Variants in GUSB observed in about 807,000 individuals in gnomAD.
GUSB encodes the protein glucuronidase beta.
A neutral mutation model predicts 74.6 loss-of-function variants in GUSB; 51 were observed. The ratio of observed to expected loss-of-function variants is 0.68; its 90% CI spans 0.55 to 0.86. GUSB has a LOEUF of 0.86. Ranked by LOEUF, GUSB falls within the 40% of genes least tolerant of loss-of-function variation. The probability of loss-of-function intolerance (pLI) is 0.00; values close to 1 mark genes in which losing one functional copy is unlikely to be tolerated. For synonymous variants in GUSB, 360 were observed against 348.3 expected (o/e 1.03, Z -0.37); for missense variants, 736 against 853.7 (o/e 0.86, Z 1.72).
At chr7:65,975,776 G>C (rs1791524693) in intron 5 of GUSB, 1 of 433,234 alleles carries the variant, frequency 2.3e-6, no homozygotes, top group South Asian at 3.3e-5. Flanking sequence ...GCTGCAGGCT[G>C]AGAGTTCAAG....
intron 11 of GUSB, among the ~76,000 whole-genome samples, chr7:65,962,035 T>C (rs1007631823): frequency 2.0e-5 from 3 of 151,874 alleles, no homozygotes; most frequent in African/African-American, 7.3e-5. Flanking sequence ...GTTTATCTTT[T>C]ATTTGCAAAC....
In GUSB at chr7:65,973,131, C is replaced by T. The variant is rs112760752; in HGVS notation, c.1391+1164G>A. On this transcript the variant is annotated intron_variant, in intron 8 of 11. Transcript: ENST00000304895. ...GGATCACTAGAGGCCAGGAGTTCCA[C>T]GCCAGCCTGGCAAACATGGTGAAAC... is the stretch of plus-strand genomic sequence containing the variant. 2.6e-3 allele frequency among the ~76,000 whole-genome samples: 403 copies of T among 152,196 alleles called. 3 individuals are homozygous for T. The highest frequency in any genetic ancestry group is 9.1e-3 in the African/African-American group (376 of 41,528).
At chr7:65,975,142 G>A (rs1040319309) in intron 5 of GUSB, 71 bp from the exon 6 acceptor site, 29 of 1,435,406 alleles carry the variant, frequency 2.0e-5, no homozygotes, top group African/African-American at 2.8e-5. Context: ...CCTCCAGCAG[G>A]AAGGCCCCTC....
At chr7:65,968,133 C>T (rs2115878465) in intron 9 of GUSB, among the ~76,000 whole-genome samples, 1 of 151,018 alleles carries the variant, frequency 6.6e-6, no homozygotes, top group East Asian at 2.0e-4. Flanking sequence ...TGGCTCATGC[C>T]TGTAATCCCA....
chr7:65,965,168 G>C (rs73372623), intron 10 of GUSB, among the ~76,000 whole-genome samples: 2,848 of 152,128 alleles, frequency 0.019, 61 homozygotes, highest in East Asian at 0.09. Flanking sequence ...CACTTTTGGA[G>C]GTCGAGACAG....
chr7:65,963,916 G>A (rs144081458), intron 11 of GUSB, among the ~76,000 whole-genome samples: 6 of 152,242 alleles, frequency 3.9e-5, no homozygotes, highest in African/African-American at 1.2e-4. Context: ...CCTGCTTTTC[G>A]CAAGTAATAT....
intron 8 of GUSB, among the ~76,000 whole-genome samples, chr7:65,972,942 T>C (rs879546603): frequency 1.3e-5 from 2 of 152,216 alleles, no homozygotes; most frequent in African/African-American, 4.8e-5. Context: ...TGGGGTGTGC[T>C]GTATGAGTCA....
chr7:65,976,029 G>T lies in GUSB; in HGVS notation c.898C>A (p.Leu300Met). ...PYLMHERPAY[L>M]YSLEVQLTAQ... ...ACCACCATTACCTCCAATGAATACA[G>T]ATAGGCAGGGCGTTCGTGCATCAGG... Residue 300 changes from leucine to methionine, a missense_variant, in exon 5 of 12, where the codon CTG becomes ATG. Physicochemically the swap from Leu to Met is conservative, Grantham distance 15. This residue lies in a region of GUSB where 368 missense variants were observed against 489.9 expected (regional missense o/e 0.75). Transcript: ENST00000304895. 6.2e-7 allele frequency: 1 copy of T among 1,613,664 alleles called. No homozygotes were observed. The highest frequency in any genetic ancestry group is 1.1e-5 in the South Asian group (1 of 91,080).
intron 4 of GUSB, among the ~76,000 whole-genome samples, chr7:65,978,320 C>T (rs1046625241): frequency 5.3e-5 from 8 of 151,900 alleles, no homozygotes; most frequent in African/African-American, 1.9e-4. Context: ...TGGTGGCACA[C>T]GCCTGTAATC....
chr7:65,961,168 T>C (rs1790470680), intron 11 of GUSB, 105 bp from the exon 12 acceptor site: 1 of 1,131,472 alleles, frequency 8.8e-7, no homozygotes, highest in African/African-American at 1.5e-5. Context: ...ATGTCTTTTT[T>C]TTTCTTTTTT....
chr7:65,977,956 C>G (rs762044106), intron 4 of GUSB, among the ~76,000 whole-genome samples: 26 of 151,704 alleles, frequency 1.7e-4, no homozygotes, highest in Non-Finnish European at 3.7e-4. Context: ...GACTACAGGC[C>G]CCTGCCACCA....
Position 65,974,659 on chromosome 7 carries a change from T to C in GUSB, c.1111A>G (p.Asn371Asp). The C allele has an allele frequency of 6.2e-7, 1 of 1,613,902 alleles. No individual in the cohort carries two copies. The highest frequency in any genetic ancestry group is 8.5e-7 in the Non-Finnish European group (1 of 1,180,042). ...FDWPLLVKDF[N>D]LLRWLGANAF... ...TTGGCACCAAGCCAGCGAAGCAGGT[T>C]GAAGTCCTTCACCAGCAGCGGCCAG... The change falls in exon 7 of 12, where the codon AAC becomes GAC. Residue 371 changes from asparagine to aspartate, a missense_variant. Asn to Asp is a conservative substitution (Grantham distance 23, BLOSUM62 1). This residue lies in a region of GUSB where 368 missense variants were observed against 489.9 expected (regional missense o/e 0.75). Transcript: ENST00000304895.
At position 65,976,176 on chromosome 7, in the gene GUSB, T is replaced by C; in HGVS notation, c.751A>G (p.Lys251Glu). ...TCCAACTTGAACAGGTTACTGCCCT[T>C]GACAGAGATCTGGTAATTCACCAGC... ...SGLVNYQISV[K>E]GSNLFKLEVR... is the part of the protein sequence containing the mutation. Residue 251 changes from lysine to glutamate, a missense_variant, in exon 5 of 12, where the codon AAG becomes GAG. Around this residue, in one of 2 missense-constraint regions of GUSB, gnomAD observed 368 missense variants for 363.8 expected, o/e 1.01. Coordinates refer to ENST00000304895, the MANE Select transcript of GUSB (RefSeq NM_000181.4). 1 of 1,613,264 alleles carries C rather than the reference T, an allele frequency of 6.2e-7. No homozygotes were observed. Among genetic ancestry groups the C allele is most frequent in the African/African-American group, 1.3e-5 (1 of 75,038 alleles).
chr7:65,971,014 A>G (rs762789972), intron 8 of GUSB, among the ~76,000 whole-genome samples: 3 of 151,998 alleles, frequency 2.0e-5, no homozygotes, highest in Non-Finnish European at 4.4e-5. Context: ...GCTCTCTAAC[A>G]TCACTCCTTC....
intron 10 of GUSB, among the ~76,000 whole-genome samples, chr7:65,964,987 T>C (rs1173547375): frequency 6.6e-6 from 1 of 152,136 alleles, no homozygotes; most frequent in Non-Finnish European, 1.5e-5. Flanking sequence ...GAGGACTGCT[T>C]GAGCCCCAGA....
chr7:65,972,480 C>G (rs1334978669), intron 8 of GUSB, among the ~76,000 whole-genome samples: 3 of 152,132 alleles, frequency 2.0e-5, no homozygotes, highest in African/African-American at 4.8e-5. Flanking sequence ...GTTGTTGAAG[C>G]CTGTTTTCCT....
intron 4 of GUSB, among the ~76,000 whole-genome samples, chr7:65,978,549 C>T (rs1442121544): frequency 6.6e-6 from 1 of 152,006 alleles, no homozygotes; most frequent in Non-Finnish European, 1.5e-5. Context: ...GGGTGGATCA[C>T]CTGAGGTTAG....
chr7:65,980,323 C>T lies in GUSB; in HGVS notation c.297G>A (p.Val99=), dbSNP rs1027871667. The change falls in exon 2 of 12, where the codon GTG becomes GTA. Residue 99 remains valine, a synonymous_variant. Coordinates refer to ENST00000304895, the MANE Select transcript of GUSB (RefSeq NM_000181.4). ...DWRLRHFVGW[V]WYEREVILPE... Reference sequence around the variant, plus strand: ...GCAGGATCACCTCCCGTTCGTACCACACCCAGCCGACAAAATGCCGCAGAC... The same window carrying T: ...GCAGGATCACCTCCCGTTCGTACCATACCCAGCCGACAAAATGCCGCAGAC... The T allele has an allele frequency of 4.3e-6, 7 of 1,613,890 alleles. No individual in the cohort carries two copies. Among genetic ancestry groups the T allele is most frequent in the Non-Finnish European group, 5.9e-6 (7 of 1,179,908 alleles).
At position 65,980,215 on chromosome 7, in the gene GUSB, C is replaced by T. The variant is rs772262663; in HGVS notation, c.396+9G>A. 1.6e-5 allele frequency: 23 copies of T among 1,412,082 alleles called. No individual in the cohort carries two copies. Among genetic ancestry groups the T allele is most frequent in the Admixed American group, 3.6e-5 (2 of 55,832 alleles). 87.5% of individuals were successfully genotyped at this position (1,412,082 alleles called of 1,614,324 possible). On this transcript the variant is annotated intron_variant, in intron 2 of 11. Transcript: ENST00000304895. ...CCCACCCGCCCTGCCTGCTCCTGGC[C>T]GCACTGACCACGATGGCATAGGAAT...
Sources: gnomAD v4.1 joint callset for allele counts (sites outside exome capture counted in the v4.1 genomes callset) on GRCh38, gnomAD v4.1.1 for gene constraint, gnomAD v4.1.1 regional missense constraint, MANE v1.5 for transcripts, NCBI Gene and HGNC (gene_info 2026-07-23, HGNC 2026-07-21) for gene names.